The following LIMA1 variants were observed in gnomAD, a reference collection of about 807,000 sequenced individuals.
LIMA1 encodes LIM domain and actin binding 1, also known as LIM domain and actin-binding protein 1.
LIMA1 carries 52 observed loss-of-function variants against 62.6 expected under a neutral mutation model. That is an observed-to-expected ratio of 0.83 (90% CI 0.67 to 1.05). The LOEUF is 1.05. LIMA1 is among the 50% of genes least tolerant of loss of function. The pLI is 0.00. For synonymous variants in LIMA1, 302 were observed against 317.8 expected, an observed-to-expected ratio of 0.95 and a Z score of 0.53; for missense variants, 780 against 902.2, an observed-to-expected ratio of 0.86 and a Z score of 1.74.
At chr12:50,195,677 G>A (rs1336377879) in intron 8 of LIMA1, 153 bp downstream of exon 8, 4 of 594,882 alleles carry the variant, frequency 6.7e-6, no homozygotes, top group African/African-American at 3.8e-5. Context: ...AAGCCATGAA[G>A]TGTGTAAAGG....
chr12:50,265,380 C>T (rs927188328), intron 1 of LIMA1, among the ~76,000 whole-genome samples: 1 of 151,392 alleles, frequency 6.6e-6, no homozygotes, highest in Non-Finnish European at 1.5e-5. Flanking sequence ...ATTAGCCGGG[C>T]GTGGTGGCGC....
At chr12:50,181,863 GT>G in intron 10 of LIMA1, 40 bp downstream of exon 10, 2 of 1,610,494 alleles carry the variant, frequency 1.2e-6, no homozygotes, top group Non-Finnish European at 1.7e-6. Context: ...TCCCTCTAGA[GT>G]TCCAGTTATA....
At chr12:50,282,345 A>G (rs1942350092) in intron 1 of LIMA1, among the ~76,000 whole-genome samples, 1 of 152,198 alleles carries the variant, frequency 6.6e-6, no homozygotes, top group African/African-American at 2.4e-5. Context: ...ACTGTGTTAA[A>G]CCATTTAAAT....
At chr12:50,209,703 T>C (rs1592522115) in intron 4 of LIMA1, among the ~76,000 whole-genome samples, 1 of 152,252 alleles carries the variant, frequency 6.6e-6, no homozygotes, top group East Asian at 1.9e-4. Flanking sequence ...TCTTACTCTG[T>C]CACCCAGGCT....
chr12:50,237,497 C>T (rs2138606736), intron 2 of LIMA1, among the ~76,000 whole-genome samples: 1 of 152,204 alleles, frequency 6.6e-6, no homozygotes, highest in East Asian at 1.9e-4. Context: ...ATTAGCTGGG[C>T]ATGGTGGCTC....
intron 4 of LIMA1, among the ~76,000 whole-genome samples, chr12:50,214,053 A>ACACACACACACACACACAC (rs1565843598): frequency 7.1e-4 from 48 of 67,930 alleles, no homozygotes; most frequent in African/African-American, 4.0e-3. Flanking sequence ...CACACACACG[A>ACACACACACACACACACAC]GATTACTCAG....
Position 50,261,042 on chromosome 12 carries a change from A to ATATATTTTTTTTTT in LIMA1, c.-23-12269_-23-12268insAAAAAAAAAATATA, listed in dbSNP as rs1383547189. Reference sequence around the variant, plus strand: ...CTTTTGCTTTTCTGCCATCTAGTATATTTTTTTTTTTTTTTTTTTTTTTTT... The same window carrying ATATATTTTTTTTTT: ...CTTTTGCTTTTCTGCCATCTAGTATATATATTTTTTTTTTTTTTTTTTTTTTTTTTTTTTTTTTT... On this transcript the variant is annotated intron_variant, in intron 1 of 10. Transcript: ENST00000341247. Among the ~76,000 whole-genome samples the ATATATTTTTTTTTT allele has an allele frequency of 8.3e-4, 45 of 54,298 alleles. 1 individual carries two copies. The highest frequency in any genetic ancestry group is 1.0e-3 in the African/African-American group (14 of 13,954). The allele number at this position is 54,298 out of a possible 152,430, so 35.6% of individuals were successfully genotyped here. A position where few individuals can be genotyped will look rare whatever the true frequency, so the allele number is the denominator to read the frequency against.
At chr12:50,221,737 C>T (rs1941445266) in intron 4 of LIMA1, among the ~76,000 whole-genome samples, 1 of 152,120 alleles carries the variant, frequency 6.6e-6, no homozygotes, top group African/African-American at 2.4e-5. Context: ...TTTAAAAGGG[C>T]AAGTGTACAA....
chr12:50,181,281 C>A (rs1232125571), intron 10 of LIMA1, among the ~76,000 whole-genome samples: 1 of 152,096 alleles, frequency 6.6e-6, no homozygotes. Context: ...GCCAAAACAT[C>A]TTTCAAGAGT....
intron 4 of LIMA1, among the ~76,000 whole-genome samples, chr12:50,218,670 C>T (rs1361348438): frequency 6.6e-6 from 1 of 152,076 alleles, no homozygotes; most frequent in Non-Finnish European, 1.5e-5. Context: ...GCTTGGGAGG[C>T]CAAGGCAGGA....
At chr12:50,218,998 TCTA>T (rs1941398782) in intron 4 of LIMA1, among the ~76,000 whole-genome samples, 1 of 151,914 alleles carries the variant, frequency 6.6e-6, no homozygotes, top group Non-Finnish European at 1.5e-5. Flanking sequence ...CTCTATAAAG[TCTA>T]CTATGTTCTG....
chr12:50,270,244 A>G (rs1426997158), intron 1 of LIMA1, among the ~76,000 whole-genome samples: 1 of 148,554 alleles, frequency 6.7e-6, no homozygotes, highest in African/African-American at 2.4e-5. Context: ...AAAAAAAAAA[A>G]AAAAAAAAAA....
chr12:50,213,335 GT>G (rs1941290509), intron 4 of LIMA1, among the ~76,000 whole-genome samples: 1 of 152,204 alleles, frequency 6.6e-6, no homozygotes, highest in African/African-American at 2.4e-5. Flanking sequence ...AGGGCCCATT[GT>G]TTCTATCCAA....
At chr12:50,254,454 A>G (rs1941968278) in intron 1 of LIMA1, among the ~76,000 whole-genome samples, 1 of 152,174 alleles carries the variant, frequency 6.6e-6, no homozygotes. Context: ...ATCATTTTCC[A>G]AAGTCACCAG....
intron 2 of LIMA1, among the ~76,000 whole-genome samples, chr12:50,234,853 A>C (rs1941666161): frequency 6.6e-6 from 1 of 152,040 alleles, no homozygotes. Context: ...GTCTCTACGA[A>C]AAATACAAAA....
At chr12:50,263,468 T>C (rs1465749997) in intron 1 of LIMA1, among the ~76,000 whole-genome samples, 8 of 152,154 alleles carry the variant, frequency 5.3e-5, no homozygotes, top group African/African-American at 1.4e-4. Flanking sequence ...AGAAGCAACA[T>C]GTTTGTTTTG....
intron 9 of LIMA1, chr12:50,185,735 C>G (rs924648036): frequency 2.9e-5 from 9 of 311,444 alleles, no homozygotes; most frequent in Non-Finnish European, 5.1e-5. Flanking sequence ...CCTCCCACAC[C>G]TGACCCACAT....
rs1049906157 is a variant in LIMA1 at position 50,204,375 on chromosome 12, G to C, written c.864+177C>G. ...ACCAGGACTAAGAAAGCAAAGTCAG[G>C]ATTAGACCATGGTAAGAACTGCAAA... is the stretch of plus-strand genomic sequence containing the variant. On this transcript the variant is annotated intron_variant, in intron 6 of 10. Transcript: ENST00000341247. 7.2e-5 allele frequency: 48 copies of C among 663,848 alleles called. No homozygotes were observed. The East Asian group carries it at 7.8e-4, about 11-fold the overall frequency. 41.1% of individuals were successfully genotyped at this position (663,848 alleles called of 1,614,324 possible).
intron 4 of LIMA1, among the ~76,000 whole-genome samples, chr12:50,215,748 C>T (rs1282997485): frequency 6.6e-6 from 1 of 152,068 alleles, no homozygotes. Flanking sequence ...GCTGGGATTA[C>T]AGGCGCGAGC....
Sources: gnomAD v4.1 joint callset for allele counts (sites outside exome capture counted in the v4.1 genomes callset) on GRCh38, gnomAD v4.1.1 for gene constraint, MANE v1.5 for transcripts, NCBI Gene and HGNC (gene_info 2026-07-23, HGNC 2026-07-21) for gene names.